TGFBI: variants seen among roughly 807,000 people sequenced by gnomAD.
The protein encoded by TGFBI is transforming growth factor beta induced.
TGFBI carries 50 observed loss-of-function variants against 73.7 expected under a neutral mutation model. The observed-to-expected ratio is 0.68, with a 90% CI of 0.54 to 0.86. The LOEUF is 0.86. Ranked by LOEUF, TGFBI falls within the 40% of genes least tolerant of loss-of-function variation. TGFBI has a pLI of 0.00. For missense variants in TGFBI, 839 were observed against 877.0 expected, an observed-to-expected ratio of 0.96 and a Z score of 0.55; for synonymous variants, 362 against 360.5, an observed-to-expected ratio of 1.00 and a Z score of -0.05.
chr5:136,055,898 C>A, intron 11 of TGFBI, 82 bp downstream of exon 11: 2 of 1,425,596 alleles, frequency 1.4e-6, no homozygotes, highest in Non-Finnish European at 9.4e-7. Context: ...ATTTGTCAAG[C>A]TTTCTTCTAC....
rs746118957 is a variant in TGFBI at position 136,049,506 on chromosome 5, C to T, written c.839C>T (p.Pro280Leu). Residue 280 changes from proline to leucine, a missense_variant, in exon 7 of 17, where the codon CCG becomes CTG. Physicochemically the swap from Pro to Leu is moderately conservative, Grantham distance 98 (BLOSUM62 -3). Coordinates refer to ENST00000442011, the MANE Select transcript of TGFBI (RefSeq NM_000358.3). ...AACGGCCAGTACACGCTTTTGGCCC[C>T]GACCAATGAGGCCTTCGAGAAGATC... ...EGNGQYTLLAPTNEAFEKIPS... is the reference protein window; with the variant it reads ...EGNGQYTLLALTNEAFEKIPS... 51 of 1,613,822 alleles carry T rather than the reference C, an allele frequency of 3.2e-5. No homozygotes were observed. The highest frequency in any genetic ancestry group is 4.1e-5 in the Non-Finnish European group (48 of 1,179,880).
intron 2 of TGFBI, among the ~76,000 whole-genome samples, chr5:136,036,918 CAGA>C (rs1733549385): frequency 6.6e-6 from 1 of 152,054 alleles, no homozygotes; most frequent in African/African-American, 2.4e-5. Context: ...GTCAAGAAAC[CAGA>C]AGGAGAATTT....
rs143889457 is a variant in TGFBI at position 136,057,330 on chromosome 5, A to G, written c.1678+535A>G. ...TTTCCCACTGGAGACCTATGAGCAC[A>G]GTGATAATAAAGCCAGTTACCTGCA... On this transcript the variant is annotated intron_variant, in intron 12 of 16. Transcript: ENST00000442011. Among the ~76,000 whole-genome samples the G allele has an allele frequency of 1.1e-4, 17 of 152,320 alleles. No homozygotes were observed. The East Asian group carries it at 3.3e-3, about 29-fold the overall frequency.
At chr5:136,046,170 A>G (rs1292370900) in intron 3 of TGFBI, 165 bp from the exon 4 acceptor site, 1 of 681,310 alleles carries the variant, frequency 1.5e-6, no homozygotes, top group Non-Finnish European at 2.4e-6. Flanking sequence ...TAAGAAGACT[A>G]TAACAAGCCT....
At chr5:136,058,156 C>G (rs1751684366) in intron 12 of TGFBI, among the ~76,000 whole-genome samples, 1 of 152,178 alleles carries the variant, frequency 6.6e-6, no homozygotes, top group African/African-American at 2.4e-5. Flanking sequence ...GGAACCTTGT[C>G]AGCTCCAGGT....
At chr5:136,054,227 A>G in intron 9 of TGFBI, 147 bp downstream of exon 9, 1 of 1,147,460 alleles carries the variant, frequency 8.7e-7, no homozygotes, top group Admixed American at 2.3e-5. Flanking sequence ...TGACTTCAGC[A>G]GAAACTTCAG....
Position 136,046,853 on chromosome 5 carries a change from A to G in TGFBI, c.462A>G (p.Glu154=), listed in dbSNP as rs767113829. The G allele has an allele frequency of 2.8e-5, 45 of 1,612,710 alleles. No individual in the cohort carries two copies. The highest frequency in any genetic ancestry group is 3.7e-5 in the Non-Finnish European group (44 of 1,179,182). ...TGACACCCTGTCCTTCCTCCTAGGA[A>G]GTGCTGGACTCCCTGGTCAGCAATG... ...SNEAWASLPA[E]VLDSLVSNVN... Residue 154 remains glutamate, a splice_region_variant and synonymous_variant, in exon 5 of 17, where the codon GAA becomes GAG. Coordinates refer to ENST00000442011, the MANE Select transcript of TGFBI (RefSeq NM_000358.3).
Position 136,054,838 on chromosome 5 carries a change from C to CT in TGFBI, c.1388dup (p.Arg464GlufsTer7). Reference sequence around the variant, plus strand: ...CCTGGAAACTCTGGGCGGCAAAAAACTGAGAGTTTTTGTTTATCGTAATGT... The same window carrying CT: ...CCTGGAAACTCTGGGCGGCAAAAAACTTGAGAGTTTTTGTTTATCGTAATGT... On this transcript the variant is annotated frameshift_variant, in exon 10 of 17. Coordinates refer to ENST00000442011, the MANE Select transcript of TGFBI (RefSeq NM_000358.3). LOFTEE classifies it high-confidence loss of function. 1 of 1,613,824 alleles carries CT rather than the reference C, an allele frequency of 6.2e-7. No individual in the cohort carries two copies. Among genetic ancestry groups the CT allele is most frequent in the Non-Finnish European group, 8.5e-7 (1 of 1,179,844 alleles).
chr5:136,051,272 A>G (rs1019781592), intron 7 of TGFBI, among the ~76,000 whole-genome samples: 2 of 152,118 alleles, frequency 1.3e-5, no homozygotes, highest in Admixed American at 1.3e-4. Context: ...TCTACTAAAA[A>G]TACAAAAATT....
intron 2 of TGFBI, among the ~76,000 whole-genome samples, chr5:136,038,440 T>C (rs1480560422): frequency 6.6e-6 from 1 of 151,226 alleles, no homozygotes; most frequent in African/African-American, 2.4e-5. Flanking sequence ...AGGCAGGCTG[T>C]GCCTGGTGGT....
chr5:136,041,929 G>C (rs550770039), intron 2 of TGFBI, among the ~76,000 whole-genome samples: 11 of 152,334 alleles, frequency 7.2e-5, no homozygotes, highest in African/African-American at 2.2e-4. Context: ...AAGAGTCTTT[G>C]GCCAGCTTTC....
rs926123250 is a variant in TGFBI at position 136,033,999 on chromosome 5, C to T, written c.233+138C>T. 356 of 726,904 alleles carry T rather than the reference C, an allele frequency of 4.9e-4. 1 individual carries two copies. Among genetic ancestry groups the T allele is most frequent in the Non-Finnish European group, 1.1e-4 (45 of 420,284 alleles). The allele number at this position is 726,904 out of a possible 1,614,324, so 45.0% of individuals were successfully genotyped here. A position where few individuals can be genotyped will look rare whatever the true frequency, so the allele number is the denominator to read the frequency against. ...CATGTGCGAACATGTCTGGGACCTG[C>T]GTGCTAGGGAGTGGCATTTTTAGGA... is the stretch of plus-strand genomic sequence containing the variant. On this transcript the variant is annotated intron_variant, in intron 2 of 16. Coordinates refer to ENST00000442011, the MANE Select transcript of TGFBI (RefSeq NM_000358.3).
At chr5:136,051,036 C>T (rs1012643803) in intron 7 of TGFBI, among the ~76,000 whole-genome samples, 1 of 152,128 alleles carries the variant, frequency 6.6e-6, no homozygotes, top group Admixed American at 6.5e-5. Context: ...GGAATGAGGG[C>T]GGGCATTGGG....
intron 13 of TGFBI, among the ~76,000 whole-genome samples, chr5:136,059,589 A>G (rs1342995042): frequency 6.6e-6 from 1 of 152,144 alleles, no homozygotes; most frequent in Non-Finnish European, 1.5e-5. Flanking sequence ...TGTACCATGA[A>G]CCAGACCATC....
In TGFBI at chr5:136,063,334, G is replaced by C; in HGVS notation, c.*108G>C. ...TCAAAACCAAGTATCACACTTTAAT[G>C]TACATGGGCCGCACCATAATGAGAT... On this transcript the variant is annotated 3_prime_UTR_variant, in exon 17 of 17. Transcript: ENST00000442011. 5 of 986,494 alleles carry C rather than the reference G, an allele frequency of 5.1e-6. No homozygotes were observed. The highest frequency in any genetic ancestry group is 4.1e-5 in the South Asian group (3 of 72,308). 61.1% of individuals were successfully genotyped at this position (986,494 alleles called of 1,614,324 possible).
In TGFBI at chr5:136,054,558, A is replaced by C. The variant is rs1387133651; in HGVS notation, c.1265-158A>C. On this transcript the variant is annotated intron_variant, in intron 9 of 16. Coordinates refer to ENST00000442011, the MANE Select transcript of TGFBI (RefSeq NM_000358.3). The stretch of plus-strand genomic sequence containing the variant: ...GATCTTCTTTAATTCTCCATAGAAG[A>C]TACCAGATGTTAAGGAATATTGGCA... The C allele has an allele frequency of 3.0e-6, 3 of 988,008 alleles. No individual in the cohort carries two copies. In the African/African-American group the frequency reaches 4.8e-5, roughly 16 times the overall value. The allele number at this position is 988,008 out of a possible 1,614,324, so 61.2% of individuals were successfully genotyped here. A position where few individuals can be genotyped will look rare whatever the true frequency, so the allele number is the denominator to read the frequency against.
At chr5:136,045,422 A>G (rs1580713685) in intron 3 of TGFBI, among the ~76,000 whole-genome samples, 3 of 152,128 alleles carry the variant, frequency 2.0e-5, no homozygotes, top group East Asian at 1.9e-4. Context: ...GTGGGCGCCT[A>G]TAATCCCAGC....
Position 136,061,482 on chromosome 5 carries a change from CTT to C in TGFBI, c.1907-15_1907-14del. 1 of 1,584,622 alleles carries C rather than the reference CTT, an allele frequency of 6.3e-7. No individual in the cohort carries two copies. Among genetic ancestry groups the C allele is most frequent in the Non-Finnish European group, 8.6e-7 (1 of 1,163,386 alleles). The stretch of plus-strand genomic sequence containing the variant: ...ATGGTTTCACTCTGGTCAAACCTGC[CTT>C]TTCTTTCCTCTTCAGCCAACAGACC... On this transcript the variant is annotated splice_polypyrimidine_tract_variant and intron_variant, in intron 14 of 16. Transcript: ENST00000442011.
intron 7 of TGFBI, among the ~76,000 whole-genome samples, chr5:136,049,966 A>G (rs767224900): frequency 1.3e-5 from 2 of 152,206 alleles, no homozygotes; most frequent in Non-Finnish European, 2.9e-5. Flanking sequence ...CTTGAAATGG[A>G]TTCCTCATGC....
Sources: gnomAD v4.1 joint callset for allele counts (sites outside exome capture counted in the v4.1 genomes callset) on GRCh38, gnomAD v4.1.1 for gene constraint, MANE v1.5 for transcripts, NCBI Gene and HGNC (gene_info 2026-07-23, HGNC 2026-07-21) for gene names.